The following ACYP2 variants were observed in gnomAD, a reference collection of about 807,000 sequenced individuals.
ACYP2 encodes acylphosphatase-2.
Under a neutral mutation model 11.2 loss-of-function variants are expected in ACYP2, and 12 were observed. The ratio of observed to expected loss-of-function variants is 1.08; its 90% CI spans 0.69 to 1.74. The LOEUF (loss-of-function observed/expected upper bound fraction) is 1.74, where lower values mean the gene tolerates loss of function less well. Ranked by LOEUF, ACYP2 falls within the 40% of genes most tolerant of loss-of-function variation. The pLI, the probability that ACYP2 is intolerant of heterozygous loss-of-function variation, is 0.00. For missense variants in ACYP2, 134 were observed against 101.9 expected (o/e 1.31, Z -1.35); for synonymous variants, 43 against 32.2 (o/e 1.33, Z -1.13).
At chr2:54,015,663 ACACACACACACACACACACACACAC>A (rs1673645772) in intron 2 of ACYP2, among the ~76,000 whole-genome samples, 1 of 151,494 alleles carries the variant, frequency 6.6e-6, no homozygotes. Flanking sequence ...ACACACACAC[ACACACACACACACACACACACACAC>A]GGCAGAATCT....
chr2:54,065,114 A>C (rs549537237), intron 4 of ACYP2, among the ~76,000 whole-genome samples: 1 of 131,276 alleles, frequency 7.6e-6, no homozygotes, highest in African/African-American at 2.6e-5. Flanking sequence ...TAAATAAATA[A>C]ATAAATAAAT....
At chr2:54,033,126 G>T (rs2104555903) in intron 2 of ACYP2, among the ~76,000 whole-genome samples, 1 of 152,160 alleles carries the variant, frequency 6.6e-6, no homozygotes, top group South Asian at 2.1e-4. Context: ...TGTGAGGTCT[G>T]CGAAATTAAT....
At chr2:54,042,072 A>G (rs923044836) in intron 2 of ACYP2, among the ~76,000 whole-genome samples, 13 of 148,062 alleles carry the variant, frequency 8.8e-5, no homozygotes, top group Non-Finnish European at 1.9e-4. Flanking sequence ...CAGTGGCACG[A>G]TCTTGGCTCA....
intron 6 of ACYP2, among the ~76,000 whole-genome samples, chr2:54,275,140 C>G (rs983996640): frequency 3.9e-5 from 6 of 152,184 alleles, no homozygotes; most frequent in Admixed American, 2.0e-4. Flanking sequence ...TATTTGAACC[C>G]TGAGTTAAAA....
At chr2:54,033,335 C>T (rs1196023145) in intron 2 of ACYP2, among the ~76,000 whole-genome samples, 5 of 151,762 alleles carry the variant, frequency 3.3e-5, no homozygotes, top group Non-Finnish European at 7.4e-5. Flanking sequence ...GTACTTGGGA[C>T]CCCAGTTGTG....
rs545165030 is a variant in ACYP2 at position 54,183,079 on chromosome 2, A to T, written c.404+44331A>T. Reference sequence around the variant, plus strand: ...AAATCTTGAGTTTTAAGTCAAGTTAATAAGCTGTTAAAGGAAATATGTTCT... The same window carrying T: ...AAATCTTGAGTTTTAAGTCAAGTTATTAAGCTGTTAAAGGAAATATGTTCT... On this transcript the variant is annotated intron_variant, in intron 6 of 6. Transcript: ENST00000607452. Among the ~76,000 whole-genome samples, 4 of 152,378 alleles carry T rather than the reference A, an allele frequency of 2.6e-5. No homozygotes were observed. In the East Asian group the frequency reaches 7.7e-4, roughly 29 times the overall value.
At chr2:54,010,681 G>T (rs1036420035) in intron 2 of ACYP2, among the ~76,000 whole-genome samples, 1 of 145,050 alleles carries the variant, frequency 6.9e-6, no homozygotes, top group Admixed American at 7.0e-5. Context: ...AGGAAACTAT[G>T]TAATCCATTA....
chr2:54,030,477 A>G (rs1302411826), intron 2 of ACYP2: 2 of 156,950 alleles, frequency 1.3e-5, no homozygotes, highest in African/African-American at 4.8e-5. Flanking sequence ...ATGTTAAGGC[A>G]GTGCTATGGA....
intron 6 of ACYP2, among the ~76,000 whole-genome samples, chr2:54,248,251 A>G (rs573231051): frequency 4.6e-5 from 7 of 152,234 alleles, no homozygotes; most frequent in Non-Finnish European, 1.0e-4. Flanking sequence ...ACACTTATCT[A>G]GAACCGCAAG....
chr2:54,206,848 G>C (rs1685091338), intron 6 of ACYP2, among the ~76,000 whole-genome samples: 1 of 152,134 alleles, frequency 6.6e-6, no homozygotes, highest in Non-Finnish European at 1.5e-5. Context: ...ATTGTTCGGG[G>C]CAGGCTTTTT....
chr2:54,003,883 C>G (rs1044066905), intron 2 of ACYP2, among the ~76,000 whole-genome samples: 5 of 152,194 alleles, frequency 3.3e-5, no homozygotes, highest in Non-Finnish European at 7.3e-5. Flanking sequence ...GTTGATCTAG[C>G]TCCTCGCTAG....
At chr2:54,138,247 G>A (rs1002610823) in intron 5 of ACYP2, among the ~76,000 whole-genome samples, 1 of 151,962 alleles carries the variant, frequency 6.6e-6, no homozygotes, top group South Asian at 2.1e-4. Context: ...TTTTTTCTCA[G>A]TGATTGAGAA....
At chr2:54,143,194 G>T (rs1394825168) in intron 6 of ACYP2, 1 of 152,164 alleles carries the variant, frequency 6.6e-6, no homozygotes, top group African/African-American at 2.4e-5. Flanking sequence ...TAGCAGGCAT[G>T]CCTGTTTGGT....
intron 6 of ACYP2, among the ~76,000 whole-genome samples, chr2:54,230,985 C>T (rs1289334719): frequency 6.6e-6 from 1 of 151,810 alleles, no homozygotes; most frequent in African/African-American, 2.4e-5. Flanking sequence ...CGCCTGCCAC[C>T]ACGCCCAGCT....
intron 6 of ACYP2, among the ~76,000 whole-genome samples, chr2:54,295,285 C>T (rs368783625): frequency 4.9e-4 from 75 of 152,306 alleles, no homozygotes; most frequent in African/African-American, 1.7e-3. Context: ...GGTCATTAGG[C>T]CCCTGAATCC....
intron 6 of ACYP2, among the ~76,000 whole-genome samples, chr2:54,175,487 G>A (rs1010223077): frequency 2.0e-5 from 3 of 151,486 alleles, no homozygotes; most frequent in African/African-American, 7.3e-5. Context: ...ACAAGCTCCT[G>A]GATTCATTGA....
chr2:54,178,503 C>T (rs1222578129), intron 6 of ACYP2, among the ~76,000 whole-genome samples: 2 of 152,124 alleles, frequency 1.3e-5, no homozygotes, highest in African/African-American at 4.8e-5. Context: ...TGCCCCAATC[C>T]CACCACATTA....
At chr2:54,066,605 G>T (rs1298059256) in intron 4 of ACYP2, among the ~76,000 whole-genome samples, 1 of 152,106 alleles carries the variant, frequency 6.6e-6, no homozygotes, top group Non-Finnish European at 1.5e-5. Flanking sequence ...TTTATCATTT[G>T]TTCCTTTCCC....
chr2:54,291,510 C>T (rs1252450797), intron 6 of ACYP2, among the ~76,000 whole-genome samples: 1 of 152,226 alleles, frequency 6.6e-6, no homozygotes, highest in African/African-American at 2.4e-5. Flanking sequence ...CTTCTGGGGT[C>T]TTTCACGTAC....
Sources: allele counts gnomAD v4.1 joint callset (sites outside exome capture counted in the v4.1 genomes callset), GRCh38; gene constraint gnomAD v4.1.1; transcripts MANE v1.5; gene names NCBI Gene and HGNC (gene_info 2026-07-23, HGNC 2026-07-21).